IL22RA1: variants seen among roughly 807,000 people sequenced by gnomAD.
The protein encoded by IL22RA1 is interleukin 22 receptor subunit alpha 1, also known as interleukin-22 receptor subunit alpha-1.
Under a neutral mutation model 32.8 loss-of-function variants are expected in IL22RA1, and 25 were observed. The ratio of observed to expected loss-of-function variants is 0.76; its 90% CI spans 0.55 to 1.06. The LOEUF (loss-of-function observed/expected upper bound fraction) is 1.06, where lower values mean the gene tolerates loss of function less well. IL22RA1 is among the 50% of genes least tolerant of loss of function. The pLI is 0.00. For missense variants in IL22RA1, 709 were observed against 727.4 expected (o/e 0.97, Z 0.29); for synonymous variants, 305 against 305.0 (o/e 1.00, Z 0.00).
Position 24,128,171 on chromosome 1 carries a change from G to A in IL22RA1, c.640C>T (p.Pro214Ser). ...CVPTWAKESA[P>S]YMCRVKTLPD... is the part of the protein sequence containing the mutation. ...AGTGTCTTCACTCGGCACATGTAGG[G>A]GGCACTCTCCTTGGCCCAGGTGGGA... is the stretch of plus-strand genomic sequence containing the variant. Residue 214 changes from proline to serine, a missense_variant, in exon 5 of 7, where the codon CCC becomes TCC. Pro to Ser is a moderately conservative substitution (Grantham distance 74). Coordinates refer to ENST00000270800, the MANE Select transcript of IL22RA1 (RefSeq NM_021258.4). 1.3e-6 allele frequency: 2 copies of A among 1,580,608 alleles called. No homozygotes were observed. Among genetic ancestry groups the A allele is most frequent in the Non-Finnish European group, 1.7e-6 (2 of 1,162,926 alleles).
chr1:24,136,201 T>C (rs1644241163), intron 3 of IL22RA1, among the ~76,000 whole-genome samples: 2 of 152,116 alleles, frequency 1.3e-5, no homozygotes, highest in Admixed American at 6.6e-5. Flanking sequence ...GTGATCCTCT[T>C]GCCTCAGCCT....
intron 6 of IL22RA1, 73 bp from the exon 7 acceptor site, chr1:24,121,810 G>A: frequency 8.0e-7 from 1 of 1,251,512 alleles, no homozygotes. Context: ...TGATGTGGGT[G>A]GGTGAGGTCC....
chr1:24,136,145 G>C (rs1017786755), intron 3 of IL22RA1, among the ~76,000 whole-genome samples: 1 of 151,994 alleles, frequency 6.6e-6, no homozygotes, highest in African/African-American at 2.4e-5. Context: ...TGTAGAGATG[G>C]GGTCTCACTG....
rs201599737 is a variant in IL22RA1, at chr1:24,138,639, G to C, written c.119C>G (p.Thr40Arg). The C allele has an allele frequency of 6.2e-7, 1 of 1,614,138 alleles. No individual in the cohort carries two copies. The highest frequency in any genetic ancestry group is 1.7e-5 in the Admixed American group (1 of 60,016). Residue 40 changes from threonine (T) to arginine (R), a missense_variant, in exon 2 of 7, where the codon ACG becomes AGG. Thr to Arg is a moderately conservative substitution (Grantham distance 71). Transcript: ENST00000270800. ...FQSSNFENIL[T>R]WDSGPEGTPD... ...GGTGCCCTCCGGCCCGCTGTCCCAC[G>C]TCAGGATGTTTTCAAAGTTGCTGGA...
intron 6 of IL22RA1, 151 bp downstream of exon 6, chr1:24,123,151 A>G (rs1644136895): frequency 8.4e-7 from 1 of 1,193,766 alleles, no homozygotes; most frequent in Non-Finnish European, 1.1e-6. Flanking sequence ...ACGTCCGTTG[A>G]CTTTAGCTGG....
chr1:24,137,444 C>A lies in IL22RA1; in HGVS notation c.177-135G>T, dbSNP rs1644250172. ...GGCCCAGGCCCTTTATGCGAATGAT[C>A]TCATTTTGTTCTCACAATGATTCTC... On this transcript the variant is annotated intron_variant, in intron 2 of 6. Coordinates refer to ENST00000270800, the MANE Select transcript of IL22RA1 (RefSeq NM_021258.4). The A allele has an allele frequency of 7.3e-6, 5 of 688,452 alleles. No homozygotes were observed. In the Admixed American group the frequency reaches 8.2e-5, roughly 11 times the overall value. 42.6% of individuals were successfully genotyped at this position (688,452 alleles called of 1,614,324 possible).
At chr1:24,123,455 G>C (rs113856820) in intron 5 of IL22RA1, 32 bp from the exon 6 acceptor site, 1 of 1,605,566 alleles carries the variant, frequency 6.2e-7, no homozygotes, top group Non-Finnish European at 8.5e-7. Context: ...AGAAGGAAGC[G>C]TGAGGCTGGG....
intron 2 of IL22RA1, among the ~76,000 whole-genome samples, chr1:24,138,109 G>C (rs1355644857): frequency 6.6e-6 from 1 of 152,174 alleles, no homozygotes; most frequent in African/African-American, 2.4e-5. Context: ...TCACCTGCAT[G>C]GGAGGGAGAG....
intron 1 of IL22RA1, 137 bp downstream of exon 1, chr1:24,142,903 C>T: frequency 1.2e-6 from 1 of 830,992 alleles, no homozygotes; most frequent in Non-Finnish European, 2.0e-6. Context: ...CCGTGAACAC[C>T]CGGCACCCTG....
intron 1 of IL22RA1, among the ~76,000 whole-genome samples, chr1:24,140,308 T>C (rs1321013424): frequency 6.6e-6 from 1 of 152,200 alleles, no homozygotes; most frequent in African/African-American, 2.4e-5. Flanking sequence ...GGTTGGCGTC[T>C]GTGAATGTGT....
At chr1:24,123,213 T>C in intron 6 of IL22RA1, 89 bp downstream of exon 6, 1 of 1,510,616 alleles carries the variant, frequency 6.6e-7, no homozygotes, top group South Asian at 1.3e-5. Context: ...GCTTTGTCTG[T>C]GGATCCCTGC....
intron 3 of IL22RA1, among the ~76,000 whole-genome samples, chr1:24,136,384 A>C (rs1056523999): frequency 2.0e-5 from 3 of 152,208 alleles, no homozygotes; most frequent in Non-Finnish European, 4.4e-5. Flanking sequence ...GTGAGCAAAC[A>C]CAGTAATTGC....
intron 1 of IL22RA1, among the ~76,000 whole-genome samples, chr1:24,140,935 G>A (rs897310194): frequency 6.6e-6 from 1 of 152,260 alleles, no homozygotes; most frequent in African/African-American, 2.4e-5. Context: ...GTGTGAGGGA[G>A]CAGACAGTTA....
At chr1:24,141,909 T>A (rs180999406) in intron 1 of IL22RA1, among the ~76,000 whole-genome samples, 2 of 152,234 alleles carry the variant, frequency 1.3e-5, no homozygotes, top group East Asian at 3.9e-4. Flanking sequence ...AAGAAACAAT[T>A]CCACATGCTC....
intron 3 of IL22RA1, 75 bp downstream of exon 3, chr1:24,137,056 A>T: frequency 7.0e-7 from 1 of 1,419,898 alleles, no homozygotes; most frequent in South Asian, 1.3e-5. Flanking sequence ...TCCAGAGGGG[A>T]AGAGGCCATC....
chr1:24,120,773 A>G lies in IL22RA1; in HGVS notation c.*32T>C, dbSNP rs951523665. On this transcript the variant is annotated 3_prime_UTR_variant, in exon 7 of 7. Transcript: ENST00000270800. ...CAAGGATGTGACACTGGGTAGGGAC[A>G]GGGAGGAAGCACCAAGCCTTTCCCA... 1.9e-6 allele frequency: 3 copies of G among 1,547,668 alleles called. No individual in the cohort carries two copies. The African/African-American group carries it at 4.1e-5, about 21-fold the overall frequency.
intron 6 of IL22RA1, among the ~76,000 whole-genome samples, chr1:24,122,985 G>A (rs1034971016): frequency 3.9e-5 from 6 of 152,166 alleles, no homozygotes; most frequent in South Asian, 2.1e-4. Context: ...CTCTCCTGGC[G>A]CCCACCATTC....
At chr1:24,134,080 C>G (rs1306960995) in intron 4 of IL22RA1, 131 bp downstream of exon 4, 8 of 686,550 alleles carry the variant, frequency 1.2e-5, no homozygotes, top group Non-Finnish European at 1.9e-5. Flanking sequence ...CAAGGAGCCT[C>G]TCAAGGGACA....
chr1:24,140,155 A>T (rs1263628066), intron 1 of IL22RA1, among the ~76,000 whole-genome samples: 2 of 152,208 alleles, frequency 1.3e-5, no homozygotes, highest in African/African-American at 4.8e-5. Flanking sequence ...TTAAATCCTC[A>T]CGACAACGTG....
Sources: gnomAD v4.1 joint callset for allele counts (sites outside exome capture counted in the v4.1 genomes callset) on GRCh38, gnomAD v4.1.1 for gene constraint, MANE v1.5 for transcripts, NCBI Gene and HGNC (gene_info 2026-07-23, HGNC 2026-07-21) for gene names.